PPM1B: variants seen among roughly 807,000 people sequenced by gnomAD.
PPM1B encodes protein phosphatase, Mg2+/Mn2+ dependent 1B.
A neutral mutation model predicts 43.0 loss-of-function variants in PPM1B; 22 were observed. That is an observed-to-expected ratio of 0.51 (90% CI 0.37 to 0.73). PPM1B has a LOEUF of 0.73. PPM1B is among the 30% of genes least tolerant of loss of function. The pLI, the probability that PPM1B is intolerant of heterozygous loss-of-function variation, is 0.00. For missense variants in PPM1B, 632 were observed against 584.2 expected, an observed-to-expected ratio of 1.08 and a Z score of -0.84; for synonymous variants, 217 against 197.9, an observed-to-expected ratio of 1.10 and a Z score of -0.81.
At chr2:44,219,013 A>G (rs189317951) in intron 5 of PPM1B, 11 of 378,590 alleles carry the variant, frequency 2.9e-5, no homozygotes, top group Non-Finnish European at 5.1e-5. Flanking sequence ...TTATTGTTGT[A>G]TTATGGGTAC....
chr2:44,205,747 A>T (rs1423345368), intron 2 of PPM1B, among the ~76,000 whole-genome samples: 1 of 152,126 alleles, frequency 6.6e-6, no homozygotes, highest in Non-Finnish European at 1.5e-5. Flanking sequence ...TGATTTTCCA[A>T]AATTTCATTT....
chr2:44,245,186 G>A (rs1052170187), downstream of PPM1B, among the ~76,000 whole-genome samples: 1 of 152,132 alleles, frequency 6.6e-6, no homozygotes, highest in Non-Finnish European at 1.5e-5. Flanking sequence ...TTGTGGTTTT[G>A]TGTCCCCAGA....
chr2:44,241,299 G>A (rs544761462), intron 5 of PPM1B, among the ~76,000 whole-genome samples: 2 of 144,070 alleles, frequency 1.4e-5, no homozygotes, highest in South Asian at 2.5e-4. Flanking sequence ...CACCGTGCCC[G>A]GCCAGGAAGC....
At chr2:44,191,799 A>G (rs1054791056) in intron 1 of PPM1B, among the ~76,000 whole-genome samples, 3 of 151,900 alleles carry the variant, frequency 2.0e-5, no homozygotes, top group African/African-American at 7.3e-5. Flanking sequence ...TTGGGTTCCT[A>G]ATTCTTTATG....
intron 5 of PPM1B, among the ~76,000 whole-genome samples, chr2:44,220,961 G>A (rs935405286): frequency 2.6e-5 from 4 of 152,208 alleles, no homozygotes; most frequent in African/African-American, 4.8e-5. Context: ...AACTGTTGTG[G>A]TGAAAAATAA....
rs756265089 is a variant in PPM1B at position 44,229,974 on chromosome 2, G to T, written c.1135-439G>T. ...TTAAATCTATATAGTTTTATGTTTTGTATTTCCTACTTATTTAGCAGAAAT... is the reference window on the plus strand; with the variant it reads ...TTAAATCTATATAGTTTTATGTTTTTTATTTCCTACTTATTTAGCAGAAAT... On this transcript the variant is annotated intron_variant, in intron 5 of 5. Transcript: ENST00000282412. The T allele has an allele frequency of 6.5e-5, 101 of 1,555,742 alleles. 3 individuals are homozygous for T. In the South Asian group the frequency reaches 1.2e-3, roughly 18 times the overall value.
At chr2:44,237,706 G>C (rs754160935), downstream of PPM1B, among the ~76,000 whole-genome samples, 3 of 152,120 alleles carry the variant, frequency 2.0e-5, no homozygotes, top group African/African-American at 7.2e-5. Context: ...TGCAACAAAT[G>C]TATTCTTTCC....
intron 2 of PPM1B, among the ~76,000 whole-genome samples, chr2:44,202,594 A>G (rs1329065310): frequency 7.1e-6 from 1 of 140,824 alleles, no homozygotes; most frequent in Non-Finnish European, 1.5e-5. Context: ...AAGGATTTAC[A>G]TGTGGCTCTC....
downstream of PPM1B, among the ~76,000 whole-genome samples, chr2:44,237,653 C>G (rs1436745707): frequency 6.6e-6 from 1 of 152,044 alleles, no homozygotes; most frequent in African/African-American, 2.4e-5. Context: ...TAGACCTAGT[C>G]TATAATATTG....
In PPM1B at chr2:44,208,384, C is replaced by T. The variant is rs116835009; in HGVS notation, c.847-826C>T. Among the ~76,000 whole-genome samples, 511 of 152,208 alleles carry T rather than the reference C, an allele frequency of 3.4e-3. 1 individual carries two copies. Among genetic ancestry groups the T allele is most frequent in the African/African-American group, 0.012 (496 of 41,524 alleles). Reference sequence around the variant, plus strand: ...ATCTCAGTTGTCCAGTTACAGTCCCCCCTGTTACTGTGCCCTCTGAATAGT... The same window carrying T: ...ATCTCAGTTGTCCAGTTACAGTCCCTCCTGTTACTGTGCCCTCTGAATAGT... On this transcript the variant is annotated intron_variant, in intron 2 of 5. Transcript: ENST00000282412.
intron 3 of PPM1B, among the ~76,000 whole-genome samples, chr2:44,212,318 C>G (rs1669509476): frequency 6.6e-6 from 1 of 152,096 alleles, no homozygotes; most frequent in South Asian, 2.1e-4. Flanking sequence ...TACTGTCAAC[C>G]CAACAAATCT....
intron 1 of PPM1B, among the ~76,000 whole-genome samples, chr2:44,190,417 C>A (rs571127815): frequency 2.2e-3 from 337 of 152,238 alleles, no homozygotes; most frequent in African/African-American, 7.8e-3. Flanking sequence ...TCTCAGCCTC[C>A]CAAAGTGTTG....
rs147906873 is a variant in PPM1B, at chr2:44,192,190, G to GGTATTGTATTGTATTGTATT, written c.-14-8969_-14-8950dup. Among the ~76,000 whole-genome samples, 1,199 of 143,624 alleles carry GGTATTGTATTGTATTGTATT rather than the reference G, an allele frequency of 8.3e-3. 12 individuals are homozygous for GGTATTGTATTGTATTGTATT. The highest frequency in any genetic ancestry group is 0.021 in the African/African-American group (794 of 37,986). The allele number at this position is 143,624 out of a possible 152,430, so 94.2% of individuals were successfully genotyped here. On this transcript the variant is annotated intron_variant, in intron 1 of 5. Transcript: ENST00000282412. ...TTTATGTTATGTTATGTTATGTTAT[G>GGTATTGTATTGTATTGTATT]GTATTGTATTGTATTGTATTGTATT... is the stretch of plus-strand genomic sequence containing the variant.
intron 1 of PPM1B, among the ~76,000 whole-genome samples, chr2:44,177,595 T>A (rs911221747): frequency 1.3e-5 from 2 of 151,872 alleles, no homozygotes; most frequent in Admixed American, 6.6e-5. Flanking sequence ...ATTTTTGTAT[T>A]TTTAGTAGAG....
intron 1 of PPM1B, among the ~76,000 whole-genome samples, chr2:44,179,661 A>G (rs947291318): frequency 1.8e-4 from 27 of 152,140 alleles, no homozygotes; most frequent in African/African-American, 5.8e-4. Context: ...GTTTTTAGAT[A>G]TTAGATATTA....
At chr2:44,211,747 T>A (rs1452619565) in intron 3 of PPM1B, among the ~76,000 whole-genome samples, 1 of 145,154 alleles carries the variant, frequency 6.9e-6, no homozygotes, top group Admixed American at 6.9e-5. Context: ...TCTGTCTTTT[T>A]TTTTTTTTTT....
intron 3 of PPM1B, among the ~76,000 whole-genome samples, chr2:44,211,436 T>G (rs962675174): frequency 6.6e-6 from 1 of 152,184 alleles, no homozygotes; most frequent in African/African-American, 2.4e-5. Context: ...GCAGGAATAC[T>G]GTGGAAGTGA....
intron 1 of PPM1B, among the ~76,000 whole-genome samples, chr2:44,199,129 G>A (rs554623973): frequency 4.6e-5 from 7 of 151,882 alleles, no homozygotes; most frequent in African/African-American, 7.2e-5. Flanking sequence ...ATGGTGGCGC[G>A]TGCCTGTAAC....
At chr2:44,218,872 A>G (rs192815413) in intron 5 of PPM1B, 35 of 464,570 alleles carry the variant, frequency 7.5e-5, no homozygotes, top group African/African-American at 4.4e-4. Context: ...AAATATCTCA[A>G]TTTCTCCTCC....
Sources: gnomAD v4.1 joint callset for allele counts (sites outside exome capture counted in the v4.1 genomes callset) on GRCh38, gnomAD v4.1.1 for gene constraint, MANE v1.5 for transcripts, NCBI Gene and HGNC (gene_info 2026-07-23, HGNC 2026-07-21) for gene names.